The following EYS variants were observed in gnomAD, a reference collection of about 807,000 sequenced individuals.
The protein encoded by EYS is protein eyes shut homolog.
Under a neutral mutation model 282.1 loss-of-function variants are expected in EYS, and 250 were observed. The observed-to-expected ratio is 0.89, with a 90% CI of 0.80 to 0.98. The LOEUF is 0.98. Among genes scored for constraint, EYS ranks in the 50% least tolerant of loss-of-function variants. The pLI is 0.00. For synonymous variants in EYS, 1,355 were observed against 1,282.9 expected (o/e 1.06, Z -1.20); for missense variants, 4,016 against 3,709.0 (o/e 1.08, Z -2.15).
rs1167907569 is a variant in EYS, at chr6:64,613,611, T to C, written c.3684+3807A>G. On this transcript the variant is annotated intron_variant, in intron 24 of 42. Coordinates refer to ENST00000503581, the MANE Select transcript of EYS (RefSeq NM_001142800.2). Reference sequence around the variant, plus strand: ...GAATTATAGCTTACCAGAGCAGAAATTCAGAAGCAGAAACCTCTGCTGGAG... The same window carrying C: ...GAATTATAGCTTACCAGAGCAGAAACTCAGAAGCAGAAACCTCTGCTGGAG... 2.0e-5 allele frequency among the ~76,000 whole-genome samples: 3 copies of C among 152,116 alleles called. No homozygotes were observed. In the East Asian group the frequency reaches 5.8e-4, roughly 30 times the overall value.
intron 5 of EYS, among the ~76,000 whole-genome samples, chr6:65,423,462 C>G (rs1045300882): frequency 2.6e-5 from 4 of 151,886 alleles, no homozygotes; most frequent in African/African-American, 9.7e-5. Context: ...ATGTCAGAAT[C>G]ACAGGGTCAG....
chr6:64,107,285 T>TTATATATATATATATATATATATTTATA (rs1773054356), intron 31 of EYS, among the ~76,000 whole-genome samples: 1 of 101,500 alleles, frequency 9.9e-6, no homozygotes, highest in African/African-American at 3.5e-5. Context: ...ATATATATAT[T>TTATATATATATATATATATATATTTATA]TATATATATA....
intron 32 of EYS, among the ~76,000 whole-genome samples, chr6:64,080,548 C>T (rs1420277719): frequency 3.9e-5 from 6 of 152,154 alleles, no homozygotes; most frequent in Non-Finnish European, 8.8e-5. Flanking sequence ...TGTGCAGAAG[C>T]TCTTTAGTTT....
intron 33 of EYS, among the ~76,000 whole-genome samples, chr6:64,018,364 TTTG>T (rs557259533): frequency 1.2e-4 from 19 of 152,214 alleles, no homozygotes; most frequent in South Asian, 8.3e-4. Context: ...TCAGGGGTTT[TTTG>T]TTGTTGTTGT....
chr6:65,318,511 C>T (rs1035588056), intron 11 of EYS, among the ~76,000 whole-genome samples: 6 of 145,466 alleles, frequency 4.1e-5, no homozygotes, highest in African/African-American at 1.5e-4. Flanking sequence ...GGCTGGTCAC[C>T]ACTGATCCTG....
intron 31 of EYS, among the ~76,000 whole-genome samples, chr6:64,220,023 G>A (rs1185833525): frequency 1.3e-5 from 2 of 152,052 alleles, no homozygotes; most frequent in Non-Finnish European, 2.9e-5. Context: ...ACACACCAGG[G>A]CCTATTGTGG....
chr6:64,403,210 G>T (rs190981307), intron 28 of EYS, among the ~76,000 whole-genome samples: 24 of 151,638 alleles, frequency 1.6e-4, no homozygotes, highest in Admixed American at 7.9e-4. Context: ...AAGAGAACTA[G>T]GTTAATTTAG....
intron 28 of EYS, among the ~76,000 whole-genome samples, chr6:64,421,814 AAGAGAGAGAGAGCG>A (rs1159487346): frequency 1.3e-5 from 2 of 151,254 alleles, no homozygotes; most frequent in East Asian, 1.9e-4. Context: ...GGGAGCGAAG[AAGAGAGAGAGAGCG>A]AGAGAGAGAG....
intron 2 of EYS, among the ~76,000 whole-genome samples, chr6:65,505,186 A>G (rs1766609837): frequency 6.6e-6 from 1 of 151,894 alleles, no homozygotes; most frequent in South Asian, 2.1e-4. Flanking sequence ...AAATATTGAG[A>G]CAGAAAATTG....
chr6:65,227,083 A>C (rs1766646543), intron 12 of EYS, among the ~76,000 whole-genome samples: 1 of 151,320 alleles, frequency 6.6e-6, no homozygotes, highest in Non-Finnish European at 1.5e-5. Flanking sequence ...AATATACAAA[A>C]TTAGCTGGGT....
At chr6:65,593,685 C>A (rs563924735) in intron 2 of EYS, among the ~76,000 whole-genome samples, 13 of 152,038 alleles carry the variant, frequency 8.6e-5, no homozygotes, top group African/African-American at 3.1e-4. Flanking sequence ...ATAGCAAATT[C>A]ATGTATTTCC....
chr6:65,700,767 C>T (rs539694975), intron 1 of EYS, among the ~76,000 whole-genome samples: 115 of 152,312 alleles, frequency 7.6e-4, no homozygotes, highest in African/African-American at 2.5e-3. Flanking sequence ...ATCCCATCTG[C>T]TTCCTTTCAC....
chr6:65,638,874 T>C (rs556730472), intron 2 of EYS, among the ~76,000 whole-genome samples: 77 of 152,308 alleles, frequency 5.1e-4, no homozygotes, highest in African/African-American at 1.6e-3. Flanking sequence ...AACGTGCCAC[T>C]GGCCACAGAG....
chr6:65,306,440 A>G (rs1376106557), intron 11 of EYS, among the ~76,000 whole-genome samples: 1 of 152,146 alleles, frequency 6.6e-6, no homozygotes, highest in Non-Finnish European at 1.5e-5. Context: ...TCTCCAAAGC[A>G]GGGGTAGAAT....
chr6:65,689,070 T>G (rs1196790650), intron 1 of EYS, among the ~76,000 whole-genome samples: 2 of 149,942 alleles, frequency 1.3e-5, no homozygotes, highest in Non-Finnish European at 3.0e-5. Context: ...AAGACACATG[T>G]GCATGTATGT....
At chr6:63,973,403 A>G (rs1380824477) in intron 35 of EYS, among the ~76,000 whole-genome samples, 2 of 152,214 alleles carry the variant, frequency 1.3e-5, no homozygotes, top group East Asian at 3.9e-4. Flanking sequence ...CAAGAAGAGA[A>G]CTAAACTTTA....
intron 2 of EYS, among the ~76,000 whole-genome samples, chr6:65,528,145 A>C (rs1767637916): frequency 6.6e-6 from 1 of 152,228 alleles, no homozygotes; most frequent in South Asian, 2.1e-4. Flanking sequence ...TGAATTGAGA[A>C]AATAAAGGTG....
intron 13 of EYS, among the ~76,000 whole-genome samples, chr6:65,024,455 C>G (rs532116123): frequency 6.6e-6 from 1 of 152,164 alleles, no homozygotes; most frequent in Admixed American, 6.6e-5. Context: ...GGCTTCTGTC[C>G]AGGCCCTGAA....
intron 5 of EYS, among the ~76,000 whole-genome samples, chr6:65,440,739 A>AT (rs1199753972): frequency 2.0e-5 from 3 of 150,876 alleles, no homozygotes; most frequent in Non-Finnish European, 4.4e-5. Context: ...TCGTTGAGAA[A>AT]TTTTTTTGAT....
Sources: gnomAD v4.1 joint callset for allele counts (sites outside exome capture counted in the v4.1 genomes callset) on GRCh38, gnomAD v4.1.1 for gene constraint, MANE v1.5 for transcripts, NCBI Gene and HGNC (gene_info 2026-07-23, HGNC 2026-07-21) for gene names.